The following ACACA variants were observed in gnomAD, a reference collection of about 807,000 sequenced individuals.
The protein encoded by ACACA is acetyl-CoA carboxylase 1.
A neutral mutation model predicts 296.1 loss-of-function variants in ACACA; 103 were observed. The ratio of observed to expected loss-of-function variants is 0.35; its 90% CI spans 0.30 to 0.41. The LOEUF (loss-of-function observed/expected upper bound fraction) is 0.41. Among genes scored for constraint, ACACA ranks in the 10% least tolerant of loss-of-function variants. The pLI, the probability that ACACA is intolerant of heterozygous loss-of-function variation, is 1.00. For missense variants in ACACA, 1,554 were observed against 2,989.7 expected (o/e 0.52, Z 11.20); for synonymous variants, 953 against 1,038.6 (o/e 0.92, Z 1.58).
chr17:37,135,590 A>C (rs534011845), intron 45 of ACACA, among the ~76,000 whole-genome samples: 1 of 152,336 alleles, frequency 6.6e-6, no homozygotes, highest in African/African-American at 2.4e-5. Flanking sequence ...AGAAACAGCC[A>C]AAAAGAGGCT....
chr17:37,250,666 A>C (rs1273633986), intron 16 of ACACA, among the ~76,000 whole-genome samples: 1 of 151,314 alleles, frequency 6.6e-6, no homozygotes, highest in Non-Finnish European at 1.5e-5. Context: ...AAACGCGAAA[A>C]AATTATAAAA....
chr17:37,119,449 G>A lies in ACACA; in HGVS notation c.6274+1906C>T, dbSNP rs139140616. On this transcript the variant is annotated intron_variant, in intron 50 of 55. Transcript: ENST00000616317. ...GGTATTTCCACTAATTTATTATCTC[G>A]GTCAAAAAATAATTCACCTTGATAA... is the stretch of plus-strand genomic sequence containing the variant. Among the ~76,000 whole-genome samples the A allele has an allele frequency of 5.3e-5, 8 of 151,226 alleles. No individual in the cohort carries two copies. The East Asian group carries it at 1.4e-3, about 26-fold the overall frequency.
At chr17:37,211,189 TAATA>T (rs972448261) in intron 29 of ACACA, among the ~76,000 whole-genome samples, 3 of 152,228 alleles carry the variant, frequency 2.0e-5, no homozygotes, top group Admixed American at 1.3e-4. Context: ...TAAAATTAAT[TAATA>T]CTTTGTAATT....
chr17:37,147,576 T>C (rs192811229), intron 45 of ACACA, among the ~76,000 whole-genome samples: 1 of 152,318 alleles, frequency 6.6e-6, no homozygotes, highest in Non-Finnish European at 1.5e-5. Context: ...AAGGGGCTAA[T>C]AGGATATTCT....
intron 1 of ACACA, among the ~76,000 whole-genome samples, chr17:37,383,738 T>G (rs1177254933): frequency 1.3e-5 from 2 of 152,106 alleles, no homozygotes; most frequent in Non-Finnish European, 2.9e-5. Flanking sequence ...GAGATAGGGT[T>G]TTGCCATTTT....
chr17:37,233,563 T>C (rs2079964869), intron 25 of ACACA, among the ~76,000 whole-genome samples: 1 of 152,188 alleles, frequency 6.6e-6, no homozygotes, highest in Admixed American at 6.5e-5. Flanking sequence ...ATTAGCTTCC[T>C]ATAAAGGCAA....
intron 3 of ACACA, among the ~76,000 whole-genome samples, chr17:37,326,384 A>C (rs2047622429): frequency 6.6e-6 from 1 of 151,288 alleles, no homozygotes; most frequent in African/African-American, 2.4e-5. Context: ...ACACAAAATC[A>C]GCCTGGCGTG....
intron 54 of ACACA, among the ~76,000 whole-genome samples, chr17:37,091,835 C>A (rs2072657075): frequency 6.6e-6 from 1 of 151,978 alleles, no homozygotes; most frequent in Non-Finnish European, 1.5e-5. Context: ...CTTGGCCTCC[C>A]AAAGTGCTGG....
chr17:37,366,392 C>T (rs935449881), intron 1 of ACACA, among the ~76,000 whole-genome samples: 1 of 151,688 alleles, frequency 6.6e-6, no homozygotes, highest in Non-Finnish European at 1.5e-5. Flanking sequence ...CATTCAATTT[C>T]TTTTTATCCT....
At chr17:37,355,543 G>A (rs1224679980) in intron 1 of ACACA, among the ~76,000 whole-genome samples, 1 of 151,006 alleles carries the variant, frequency 6.6e-6, no homozygotes, top group African/African-American at 2.4e-5. Context: ...GTGACAGAGT[G>A]AGACTCTGTC....
chr17:37,375,789 A>C (rs1247588955), intron 1 of ACACA, among the ~76,000 whole-genome samples: 4 of 152,212 alleles, frequency 2.6e-5, no homozygotes, highest in Non-Finnish European at 5.9e-5. Context: ...AAAGCATATC[A>C]ATGGGCGTTT....
At chr17:37,223,121 A>G (rs1410980522) in intron 28 of ACACA, among the ~76,000 whole-genome samples, 1 of 152,218 alleles carries the variant, frequency 6.6e-6, no homozygotes, top group Non-Finnish European at 1.5e-5. Flanking sequence ...CAATCCAAAC[A>G]TAACTAAAAT....
chr17:37,370,260 C>T (rs1462247853), intron 1 of ACACA, among the ~76,000 whole-genome samples: 2 of 151,896 alleles, frequency 1.3e-5, no homozygotes, highest in Middle Eastern at 3.2e-3. Flanking sequence ...CCTGCCTCAG[C>T]TTCCCAAAGT....
Position 37,240,469 on chromosome 17 carries a change from G to C in ACACA, c.3121+7C>G. The stretch of plus-strand genomic sequence containing the variant: ...CTTAGCTAGAGAGTCCTCAGGAAGA[G>C]GCTTACCATTCTGGAATTGTGTCTC... On this transcript the variant is annotated splice_region_variant and intron_variant, in intron 24 of 55. Coordinates refer to ENST00000616317, the MANE Select transcript of ACACA (RefSeq NM_198834.3). 1 of 1,612,904 alleles carries C rather than the reference G, an allele frequency of 6.2e-7. No homozygotes were observed. The highest frequency in any genetic ancestry group is 8.5e-7 in the Non-Finnish European group (1 of 1,179,580).
rs149724356 is a variant in ACACA at position 37,256,835 on chromosome 17, T to C, written c.1826+868A>G. ...TTAGGATTAATTACTAATAAACAAATGCTATTTATTAGTAATTAATACTAA... is the reference window on the plus strand; with the variant it reads ...TTAGGATTAATTACTAATAAACAAACGCTATTTATTAGTAATTAATACTAA... On this transcript the variant is annotated intron_variant, in intron 14 of 55. Transcript: ENST00000616317. Among the ~76,000 whole-genome samples, 27 of 152,252 alleles carry C rather than the reference T, an allele frequency of 1.8e-4. 2 individuals carry two copies. The East Asian group carries it at 5.2e-3, about 29-fold the overall frequency.
In ACACA at chr17:37,109,065, A is replaced by G. The variant is rs530176136; in HGVS notation, c.6565+2466T>C. 1.5e-3 allele frequency among the ~76,000 whole-genome samples: 221 copies of G among 152,302 alleles called. 1 individual carries two copies. The highest frequency in any genetic ancestry group is 5.0e-3 in the African/African-American group (208 of 41,568). On this transcript the variant is annotated intron_variant, in intron 52 of 55. Coordinates refer to ENST00000616317, the MANE Select transcript of ACACA (RefSeq NM_198834.3). The stretch of plus-strand genomic sequence containing the variant: ...CTGAAAAATGAGACCATTTTCACCC[A>G]CTTTGTGAAAAAGAATTTTGGTAGT...
In ACACA at chr17:37,086,987, A is replaced by G. The variant is rs1383756938; in HGVS notation, c.*329T>C. The stretch of plus-strand genomic sequence containing the variant: ...TGGGAGGCCAAGGGGCTGTCAGGAC[A>G]GGAGGGGCAGCCCTACTTTGGTTAG... On this transcript the variant is annotated 3_prime_UTR_variant, in exon 56 of 56. Coordinates refer to ENST00000616317, the MANE Select transcript of ACACA (RefSeq NM_198834.3). The G allele has an allele frequency of 1.5e-5, 6 of 397,968 alleles. No individual in the cohort carries two copies. The East Asian group carries it at 3.4e-4, about 23-fold the overall frequency. 24.7% of individuals were successfully genotyped at this position (397,968 alleles called of 1,614,324 possible). A position where few individuals can be genotyped will look rare whatever the true frequency, so the allele number is the denominator to read the frequency against.
intron 9 of ACACA, among the ~76,000 whole-genome samples, chr17:37,272,242 C>G (rs953166993): frequency 6.6e-6 from 1 of 152,062 alleles, no homozygotes; most frequent in Non-Finnish European, 1.5e-5. Context: ...CACTTGGAGG[C>G]TGAGGCAGGA....
intron 29 of ACACA, among the ~76,000 whole-genome samples, chr17:37,216,670 A>C (rs1361590085): frequency 6.6e-6 from 1 of 152,128 alleles, no homozygotes; most frequent in African/African-American, 2.4e-5. Flanking sequence ...TGTTACTACA[A>C]AGCAACTGTT....
Sources: allele counts gnomAD v4.1 joint callset (sites outside exome capture counted in the v4.1 genomes callset), GRCh38; gene constraint gnomAD v4.1.1; transcripts MANE v1.5; gene names NCBI Gene and HGNC (gene_info 2026-07-23, HGNC 2026-07-21).